ZNF69: variants seen among roughly 807,000 people sequenced by gnomAD.
ZNF69 encodes the protein ZNF3.
ZNF69 carries 47 observed loss-of-function variants against 50.9 expected under a neutral mutation model. The observed-to-expected ratio is 0.92, with a 90% CI of 0.73 to 1.18. The LOEUF (loss-of-function observed/expected upper bound fraction) is 1.18. Among genes scored for constraint, ZNF69 ranks in the 50% most tolerant of loss-of-function variants. ZNF69 has a pLI of 0.00. For synonymous variants in ZNF69, 216 were observed against 223.1 expected, an observed-to-expected ratio of 0.97 and a Z score of 0.29; for missense variants, 717 against 675.1, an observed-to-expected ratio of 1.06 and a Z score of -0.69.
the ZNF69 span, chr19:11,979,439 C>T: frequency 6.2e-7 from 1 of 1,605,666 alleles, no homozygotes; most frequent in South Asian, 1.1e-5. Context: ...CATAAGAATA[C>T]ACTCTGGAGA....
the ZNF69 span, among the ~76,000 whole-genome samples, chr19:11,963,971 A>T: frequency 6.6e-6 from 1 of 152,196 alleles, no homozygotes; most frequent in African/African-American, 2.4e-5. Flanking sequence ...CGCCCATTTT[A>T]TACATAAACA....
At chr19:11,930,503 G>A in the ZNF69 span, among the ~76,000 whole-genome samples, 1 of 148,530 alleles carries the variant, frequency 6.7e-6, no homozygotes, top group Non-Finnish European at 1.5e-5. Context: ...TAATCAAAAT[G>A]CATGCTAAGG....
the ZNF69 span, among the ~76,000 whole-genome samples, chr19:11,965,871 GTGC>G: frequency 6.6e-6 from 1 of 152,186 alleles, no homozygotes; most frequent in African/African-American, 2.4e-5. Flanking sequence ...TCATGAATCA[GTGC>G]CTGGAAGGTG....
intron 2 of ZNF69, 55 bp from the exon 3 acceptor site, chr19:11,903,850 A>T (rs1293985996): frequency 2.2e-5 from 35 of 1,606,142 alleles, no homozygotes; most frequent in Non-Finnish European, 2.9e-5. Context: ...GAATCTAATA[A>T]TTTTTTCACA....
At chr19:11,902,831 G>T (rs147816641) in intron 1 of ZNF69, among the ~76,000 whole-genome samples, 1 of 152,004 alleles carries the variant, frequency 6.6e-6, no homozygotes, top group Admixed American at 6.6e-5. Context: ...ATAGGACTCT[G>T]TCATGACAGA....
At chr19:11,958,385 G>C in the ZNF69 span, among the ~76,000 whole-genome samples, 2 of 152,166 alleles carry the variant, frequency 1.3e-5, no homozygotes, top group African/African-American at 4.8e-5. Context: ...GGAACTCATG[G>C]AGTCTCTGCT....
the ZNF69 span, among the ~76,000 whole-genome samples, chr19:11,969,157 T>C: frequency 6.6e-6 from 1 of 152,210 alleles, no homozygotes; most frequent in East Asian, 1.9e-4. Flanking sequence ...TAGGCTGGAG[T>C]GCAGCGGCGT....
In ZNF69 at chr19:11,905,740, A is replaced by G. The variant is rs767444134; in HGVS notation, c.1343A>G (p.Glu448Gly). 8 of 1,613,808 alleles carry G rather than the reference A, an allele frequency of 5.0e-6. No individual in the cohort carries two copies. Among genetic ancestry groups the G allele is most frequent in the Non-Finnish European group, 8.5e-7 (1 of 1,179,992 alleles). Residue 448 changes from glutamate (E) to glycine (G), a missense_variant, in exon 4 of 4, where the codon GAA becomes GGA. Glu to Gly is a moderately conservative substitution (Grantham distance 98). Coordinates refer to ENST00000429654, the MANE Select transcript of ZNF69 (RefSeq NM_001364730.1). ...HTGEKPYECQ[E>G]CGKAFRSMKN... ...GGAGAGAAGCCCTATGAATGTCAGGAATGTGGGAAAGCCTTCAGATCTATG... is the reference window on the plus strand; with the variant it reads ...GGAGAGAAGCCCTATGAATGTCAGGGATGTGGGAAAGCCTTCAGATCTATG...
chr19:11,973,111 T>G, the ZNF69 span, among the ~76,000 whole-genome samples: 2 of 152,312 alleles, frequency 1.3e-5, no homozygotes, highest in East Asian at 3.9e-4. Flanking sequence ...TACATGTGTC[T>G]TGTATCCACC....
chr19:11,893,663 GC>G (rs1977151167), intron 1 of ZNF69, among the ~76,000 whole-genome samples: 1 of 152,202 alleles, frequency 6.6e-6, no homozygotes, highest in South Asian at 2.1e-4. Context: ...ACTGCCCGGG[GC>G]TGACTCAAGA....
At chr19:11,924,942 A>G in the ZNF69 span, 2 of 410,274 alleles carry the variant, frequency 4.9e-6, no homozygotes, top group South Asian at 2.3e-5. Context: ...GCTCGCCCTT[A>G]GAGAAGCTGT....
the ZNF69 span, chr19:11,978,543 A>G: frequency 9.9e-6 from 16 of 1,614,250 alleles, no homozygotes; most frequent in Non-Finnish European, 1.4e-5. Flanking sequence ...GTTTTGTGGG[A>G]AAGCTGTCCA....
At chr19:11,916,790 G>A (rs150166996), downstream of ZNF69, among the ~76,000 whole-genome samples, 6 of 151,928 alleles carry the variant, frequency 3.9e-5, no homozygotes, top group East Asian at 1.9e-4. Flanking sequence ...AACAAACGTA[G>A]CACCATCTAA....
At chr19:11,888,703 C>T (rs1977008201) in intron 1 of ZNF69, among the ~76,000 whole-genome samples, 1 of 152,122 alleles carries the variant, frequency 6.6e-6, no homozygotes, top group African/African-American at 2.4e-5. Flanking sequence ...CACGGTGGCT[C>T]ACGCTTGTAA....
the ZNF69 span, among the ~76,000 whole-genome samples, chr19:11,962,836 A>C: frequency 0.019 from 2,888 of 151,874 alleles, 35 homozygotes; most frequent in African/African-American, 0.027. Context: ...AAGGTGCTGC[A>C]AGCTTGGTTT....
the ZNF69 span, among the ~76,000 whole-genome samples, chr19:11,936,260 C>T: frequency 6.6e-6 from 1 of 152,172 alleles, no homozygotes; most frequent in Non-Finnish European, 1.5e-5. Flanking sequence ...GAGGAATCGC[C>T]ACACTGTCTT....
chr19:11,949,840 A>G, the ZNF69 span: 7 of 1,601,690 alleles, frequency 4.4e-6, no homozygotes, highest in African/African-American at 1.4e-5. Context: ...TTGTGCCTCA[A>G]ACCTTCGAAA....
the ZNF69 span, among the ~76,000 whole-genome samples, chr19:11,923,009 G>A: frequency 6.6e-6 from 1 of 152,012 alleles, no homozygotes; most frequent in South Asian, 2.1e-4. Context: ...AGATGGGAGT[G>A]TCTCACTTCA....
At chr19:11,965,071 G>A in the ZNF69 span, 1 of 1,112,798 alleles carries the variant, frequency 9.0e-7, no homozygotes, top group Non-Finnish European at 1.3e-6. Context: ...CGCAGCCGGT[G>A]GTTGATATCC....
Sources: gnomAD v4.1 joint callset for allele counts (sites outside exome capture counted in the v4.1 genomes callset) on GRCh38, gnomAD v4.1.1 for gene constraint, MANE v1.5 for transcripts, NCBI Gene and HGNC (gene_info 2026-07-23, HGNC 2026-07-21) for gene names.